Variants in CACNA1C observed in about 807,000 individuals in gnomAD.
CACNA1C encodes voltage-dependent L-type calcium channel subunit alpha-1C.
Under a neutral mutation model 229.0 loss-of-function variants are expected in CACNA1C, and 30 were observed. That is an observed-to-expected ratio of 0.13 (90% CI 0.10 to 0.18). The LOEUF is 0.18. CACNA1C is among the 10% of genes least tolerant of loss of function. The probability of loss-of-function intolerance (pLI) is 1.00; values close to 1 mark genes in which losing one functional copy is unlikely to be tolerated. For synonymous variants in CACNA1C, 1,114 were observed against 1,132.5 expected (o/e 0.98, Z 0.33); for missense variants, 1,658 against 2,845.0 (o/e 0.58, Z 9.49).
chr12:2,370,965 G>A (rs1324875059), intron 3 of CACNA1C, among the ~76,000 whole-genome samples: 1 of 152,142 alleles, frequency 6.6e-6, no homozygotes, highest in Admixed American at 6.5e-5. Flanking sequence ...CTCCTCTCAT[G>A]TTGGTCACAT....
At chr12:2,064,325 C>T (rs1015260484) in intron 1 of CACNA1C, among the ~76,000 whole-genome samples, 1 of 152,194 alleles carries the variant, frequency 6.6e-6, no homozygotes, top group Non-Finnish European at 1.5e-5. Context: ...TCCAGGAGCA[C>T]CCATGTCTGT....
intron 3 of CACNA1C, among the ~76,000 whole-genome samples, chr12:2,222,020 AC>A (rs546640851): frequency 9.3e-4 from 141 of 152,362 alleles, no homozygotes; most frequent in Non-Finnish European, 1.5e-3. Context: ...GATATACTAT[AC>A]CCTGGAAGGT....
chr12:2,648,882 G>C (rs1018371804), intron 31 of CACNA1C, among the ~76,000 whole-genome samples: 3 of 152,196 alleles, frequency 2.0e-5, no homozygotes, highest in African/African-American at 7.2e-5. Flanking sequence ...ACCTATGAGA[G>C]CCATGGTAGG....
intron 3 of CACNA1C, among the ~76,000 whole-genome samples, chr12:2,162,548 A>G (rs899511407): frequency 2.0e-5 from 3 of 152,108 alleles, no homozygotes; most frequent in Non-Finnish European, 4.4e-5. Flanking sequence ...TGCCCACTGA[A>G]TGTCCCTGAG....
rs749935207 is a variant in CACNA1C, at chr12:2,585,386, C to T, written c.2350C>T (p.Pro784Ser). ...CTGCTGACTGGCCAGGACTGCCAGC[C>T]CAGAGAAGAAACAAGAGTTGGTGGA... ...ERKKLARTASPEKKQELVEKP... is the reference protein window; with the variant it reads ...ERKKLARTASSEKKQELVEKP... Residue 784 changes from proline to serine, a missense_variant, in exon 17 of 47, where the codon CCA (proline) becomes TCA (serine). Pro to Ser is a moderately conservative substitution (Grantham distance 74). Coordinates refer to ENST00000399655, the MANE Select transcript of CACNA1C (RefSeq NM_000719.7). This position sits in a 1 kb window ranked among gnomAD's most constrained non-coding sequence, Gnocchi z 4.1. 5.3e-5 allele frequency: 85 copies of T among 1,612,382 alleles called. No individual in the cohort carries two copies. Among genetic ancestry groups the T allele is most frequent in the Admixed American group, 1.7e-4 (10 of 59,842 alleles).
At chr12:2,681,079 C>A (rs1233408180) in intron 42 of CACNA1C, among the ~76,000 whole-genome samples, 6 of 152,182 alleles carry the variant, frequency 3.9e-5, no homozygotes, top group African/African-American at 1.2e-4. Context: ...CCCCATACCC[C>A]CTTCTCCCCT....
At chr12:2,609,800 C>T (rs2076845440) in intron 27 of CACNA1C, among the ~76,000 whole-genome samples, 1 of 151,764 alleles carries the variant, frequency 6.6e-6, no homozygotes, top group East Asian at 1.9e-4. Flanking sequence ...CTGTGTTTTT[C>T]CATCTTATGG....
intron 3 of CACNA1C, among the ~76,000 whole-genome samples, chr12:2,284,700 C>T (rs1350460451): frequency 6.6e-6 from 1 of 152,234 alleles, no homozygotes; most frequent in Admixed American, 6.5e-5. Flanking sequence ...CTATGGGGTC[C>T]TGCTTTGTTC....
chr12:2,627,829 C>T (rs1032669871), intron 29 of CACNA1C, among the ~76,000 whole-genome samples: 2 of 152,144 alleles, frequency 1.3e-5, no homozygotes, highest in South Asian at 2.1e-4. Flanking sequence ...AATCCAGCCC[C>T]GAAGTCCTGC....
At chr12:2,189,263 C>G (rs1226784032) in intron 3 of CACNA1C, among the ~76,000 whole-genome samples, 1 of 152,060 alleles carries the variant, frequency 6.6e-6, no homozygotes, top group Admixed American at 6.6e-5. Context: ...TCTCCCCTTG[C>G]CCAGTAAGAG....
chr12:2,100,481 A>AAC (rs2075900975), intron 1 of CACNA1C, among the ~76,000 whole-genome samples: 1 of 15,156 alleles, frequency 6.6e-5, no homozygotes, highest in Non-Finnish European at 2.8e-4. Flanking sequence ...AAAAAAAAAC[A>AAC]AAAAAAAAAA....
In CACNA1C at chr12:2,449,092, A is replaced by G. The variant is rs778711543; in HGVS notation, c.594A>G (p.Leu198=). ...NAYLRNGWNL[L]DFIIVVVGLF... ...ACCTCCGCAACGGCTGGAACCTACT[A>G]GATTTTATAATTGTGGTTGTGGGGT... The change falls in exon 4 of 47, where the codon CTA becomes CTG. Residue 198 remains leucine (L), a synonymous_variant. Transcript: ENST00000399655. 1.7e-5 allele frequency: 27 copies of G among 1,557,780 alleles called. No individual in the cohort carries two copies. The Admixed American group carries it at 5.4e-4, about 31-fold the overall frequency.
At chr12:2,072,587 T>C (rs1328697507) in intron 1 of CACNA1C, among the ~76,000 whole-genome samples, 4 of 152,260 alleles carry the variant, frequency 2.6e-5, no homozygotes, top group Non-Finnish European at 5.9e-5. Context: ...TGGAACTTAC[T>C]TATTTACAGA....
chr12:2,363,059 C>A (rs1567249898), intron 3 of CACNA1C, among the ~76,000 whole-genome samples: 1 of 152,324 alleles, frequency 6.6e-6, no homozygotes, highest in East Asian at 1.9e-4. Context: ...TGAACTGCCT[C>A]CTTCCATCAG....
intron 1 of CACNA1C, among the ~76,000 whole-genome samples, chr12:2,080,447 A>G (rs1343622481): frequency 6.6e-6 from 1 of 151,664 alleles, no homozygotes; most frequent in Non-Finnish European, 1.5e-5. Context: ...TAAAAATACA[A>G]AAAATTAGCT....
chr12:2,185,813 C>T (rs1446035205), intron 3 of CACNA1C, among the ~76,000 whole-genome samples: 2 of 152,190 alleles, frequency 1.3e-5, no homozygotes, highest in African/African-American at 4.8e-5. Context: ...GCAGAAGCGG[C>T]CTGGGAGTGT....
intron 5 of CACNA1C, among the ~76,000 whole-genome samples, chr12:2,483,472 C>G (rs2099684740): frequency 6.6e-6 from 1 of 152,186 alleles, no homozygotes; most frequent in Non-Finnish European, 1.5e-5. Context: ...CTAACAGTGG[C>G]TCTTCTCCTG....
Position 2,664,813 on chromosome 12 carries a change from C to T in CACNA1C, c.4233-12C>T. 1 of 1,562,642 alleles carries T rather than the reference C, an allele frequency of 6.4e-7. No individual in the cohort carries two copies. The highest frequency in any genetic ancestry group is 8.7e-7 in the Non-Finnish European group (1 of 1,149,972). On this transcript the variant is annotated splice_polypyrimidine_tract_variant and intron_variant, in intron 34 of 46. Coordinates refer to ENST00000399655, the MANE Select transcript of CACNA1C (RefSeq NM_000719.7). ...GATGGGCTGCATGAACGTGGCTCTCCCTCCCCTCCAGGTGTGCCACCGGGG... is the reference window on the plus strand; with the variant it reads ...GATGGGCTGCATGAACGTGGCTCTCTCTCCCCTCCAGGTGTGCCACCGGGG...
chr12:2,575,052 A>G lies in CACNA1C; in HGVS notation c.1896-6538A>G, dbSNP rs914031649. On this transcript the variant is annotated intron_variant, in intron 13 of 46. Transcript: ENST00000399655. This position sits in a 1 kb window ranked among gnomAD's most constrained non-coding sequence, Gnocchi z 4.0. ...CAGAAGCTCAGAGAAGCATGCTGCTAAGGCCATCCCCAGGTCCAGGCCAGA... is the reference window on the plus strand; with the variant it reads ...CAGAAGCTCAGAGAAGCATGCTGCTGAGGCCATCCCCAGGTCCAGGCCAGA... Among the ~76,000 whole-genome samples the G allele has an allele frequency of 2.6e-5, 4 of 152,224 alleles. No homozygotes were observed. The highest frequency in any genetic ancestry group is 9.6e-5 in the African/African-American group (4 of 41,462).
Sources: gnomAD v4.1 joint callset for allele counts (sites outside exome capture counted in the v4.1 genomes callset) on GRCh38, gnomAD v4.1.1 for gene constraint, Gnocchi (gnomAD v3.1) non-coding constraint, MANE v1.5 for transcripts, NCBI Gene and HGNC (gene_info 2026-07-23, HGNC 2026-07-21) for gene names.